GLB1: variants seen among roughly 807,000 people sequenced by gnomAD.
The protein encoded by GLB1 is beta-galactosidase.
Under a neutral mutation model 74.0 loss-of-function variants are expected in GLB1, and 56 were observed. The observed-to-expected ratio is 0.76, with a 90% CI of 0.61 to 0.94. The LOEUF (loss-of-function observed/expected upper bound fraction) is 0.94. Among genes scored for constraint, GLB1 ranks in the 40% least tolerant of loss-of-function variants. The pLI is 0.00. For synonymous variants in GLB1, 323 were observed against 323.6 expected (o/e 1.00, Z 0.02); for missense variants, 787 against 845.5 (o/e 0.93, Z 0.86).
intron 1 of GLB1, 55 bp from the exon 2 acceptor site, chr3:33,072,768 C>A (rs1699932900): frequency 6.2e-7 from 1 of 1,609,960 alleles, no homozygotes; most frequent in Middle Eastern, 1.7e-4. Context: ...ATTTCAGAAG[C>A]CGATCCTTTG....
intron 10 of GLB1, among the ~76,000 whole-genome samples, chr3:33,044,857 CAG>C (rs1231484607): frequency 1.3e-5 from 2 of 152,104 alleles, no homozygotes; most frequent in African/African-American, 4.8e-5. Context: ...TAACCCACAG[CAG>C]AGACAGGAAA....
In GLB1 at chr3:33,068,213, C is replaced by G; in HGVS notation, c.457+17G>C. The G allele has an allele frequency of 6.2e-7, 1 of 1,614,014 alleles. No homozygotes were observed. Among genetic ancestry groups the G allele is most frequent in the Non-Finnish European group, 8.5e-7 (1 of 1,179,976 alleles). ...GAAGCTTTTATAAATCTTCTCAAGA[C>G]ATCTGTAACAACCTACCTGGGTCGG... On this transcript the variant is annotated intron_variant, in intron 4 of 15. Coordinates refer to ENST00000307363, the MANE Select transcript of GLB1 (RefSeq NM_000404.4).
chr3:32,985,885 A>G, the GLB1 span, among the ~76,000 whole-genome samples: 13 of 151,310 alleles, frequency 8.6e-5, no homozygotes, highest in African/African-American at 3.2e-4. Context: ...TAATTTTTAT[A>G]TTTTTTATTA....
chr3:33,051,026 A>G (rs1698952729), intron 9 of GLB1, among the ~76,000 whole-genome samples: 2 of 151,900 alleles, frequency 1.3e-5, no homozygotes, highest in South Asian at 4.2e-4. Flanking sequence ...CAGGAGATCG[A>G]GACCACCCTG....
intron 1 of GLB1, among the ~76,000 whole-genome samples, chr3:33,083,083 A>G (rs1700378639): frequency 6.6e-6 from 1 of 152,188 alleles, no homozygotes; most frequent in African/African-American, 2.4e-5. Flanking sequence ...CTGTGGAACT[A>G]CTGACAGAAG....
chr3:33,060,888 C>T (rs1279027257), intron 5 of GLB1, among the ~76,000 whole-genome samples: 6 of 151,990 alleles, frequency 3.9e-5, no homozygotes, highest in South Asian at 4.1e-4. Context: ...TGAGTCAATA[C>T]ATGACTAGAA....
Position 33,024,318 on chromosome 3 carries a change from T to C in GLB1, c.1076A>G (p.Lys359Arg). Residue 359 changes from lysine (K) to arginine (R), a missense_variant, in exon 11 of 16, where the codon AAA (lysine) becomes AGA (arginine). Physicochemically the swap from Lys to Arg is conservative, Grantham distance 26 (BLOSUM62 2). Transcript: ENST00000307363. ...TGGAGGGATAGGACCTTCTGGTACT[T>C]TTTCAAACTATAAACCAGAGTAGAA... ...ALRNIIQKFEKVPEGPIPPST... is the reference protein window; with the variant it reads ...ALRNIIQKFERVPEGPIPPST... 1 of 1,601,050 alleles carries C rather than the reference T, an allele frequency of 6.2e-7. No homozygotes were observed. Among genetic ancestry groups the C allele is most frequent in the Non-Finnish European group, 8.5e-7 (1 of 1,174,676 alleles).
intron 1 of GLB1, chr3:33,092,885 C>T: frequency 6.2e-7 from 1 of 1,613,674 alleles, no homozygotes; most frequent in East Asian, 2.2e-5. Flanking sequence ...TGCTACCCAG[C>T]CTCATGGGTA....
At chr3:32,986,660 G>A in the GLB1 span, among the ~76,000 whole-genome samples, 7 of 150,068 alleles carry the variant, frequency 4.7e-5, no homozygotes, top group Non-Finnish European at 8.9e-5. Context: ...GCATGATCTC[G>A]GCTCACTGCA....
At chr3:33,068,078 G>T in intron 4 of GLB1, 152 bp downstream of exon 4, 2 of 1,060,832 alleles carry the variant, frequency 1.9e-6, no homozygotes, top group Non-Finnish European at 2.8e-6. Context: ...GTAGGGGCGA[G>T]GTTTTGCCAT....
chr3:32,967,567 C>T, the GLB1 span, among the ~76,000 whole-genome samples: 2 of 152,174 alleles, frequency 1.3e-5, no homozygotes, highest in Admixed American at 1.3e-4. Flanking sequence ...GGTAACTTAA[C>T]CCTTTGATGG....
downstream of GLB1, chr3:32,996,594 G>T (rs1020595819): frequency 3.9e-6 from 1 of 255,844 alleles, no homozygotes; most frequent in African/African-American, 2.2e-5. Flanking sequence ...GCAGTCCACA[G>T]ATCAAACCAA....
intron 14 of GLB1, among the ~76,000 whole-genome samples, chr3:33,014,932 A>T (rs1697180658): frequency 6.6e-6 from 1 of 152,098 alleles, no homozygotes; most frequent in Non-Finnish European, 1.5e-5. Context: ...GCGCCACTGT[A>T]CTCCAGCCTG....
intron 1 of GLB1, among the ~76,000 whole-genome samples, chr3:33,076,169 T>C (rs1327851424): frequency 6.6e-6 from 1 of 151,926 alleles, no homozygotes; most frequent in Non-Finnish European, 1.5e-5. Flanking sequence ...GCAGCCAAGG[T>C]TGAGAACCAC....
At chr3:33,064,568 G>A (rs1699589745) in intron 5 of GLB1, among the ~76,000 whole-genome samples, 1 of 151,846 alleles carries the variant, frequency 6.6e-6, no homozygotes, top group African/African-American at 2.4e-5. Flanking sequence ...CCTGAGGTCA[G>A]GAGTTTGAGA....
At chr3:33,080,069 C>T (rs992995775) in intron 1 of GLB1, among the ~76,000 whole-genome samples, 3 of 151,786 alleles carry the variant, frequency 2.0e-5, no homozygotes, top group African/African-American at 7.3e-5. Flanking sequence ...CTGGCGTGAG[C>T]CACTGTGCCC....
At chr3:32,995,078 T>C (rs1159038403), downstream of GLB1, among the ~76,000 whole-genome samples, 1 of 152,146 alleles carries the variant, frequency 6.6e-6, no homozygotes, top group Admixed American at 6.5e-5. Flanking sequence ...TGAAATCAAC[T>C]CTGCCTCTTG....
At chr3:32,998,487 G>A (rs114130292) in intron 15 of GLB1, among the ~76,000 whole-genome samples, 15,177 of 150,204 alleles carry the variant, frequency 0.1, 1,018 homozygotes, top group Non-Finnish European at 0.15. Context: ...CTAGCCTTGC[G>A]CAGTGACAGA....
chr3:33,096,090 G>A (rs558784426), intron 1 of GLB1, among the ~76,000 whole-genome samples: 162 of 152,312 alleles, frequency 1.1e-3, no homozygotes, highest in African/African-American at 3.8e-3. Flanking sequence ...CAAGTCAACG[G>A]TGTCAAATGC....
Sources: gnomAD v4.1 joint callset for allele counts (sites outside exome capture counted in the v4.1 genomes callset) on GRCh38, gnomAD v4.1.1 for gene constraint, MANE v1.5 for transcripts, NCBI Gene and HGNC (gene_info 2026-07-23, HGNC 2026-07-21) for gene names.